KCNAB2: variants seen among roughly 807,000 people sequenced by gnomAD.
KCNAB2 encodes the protein potassium voltage-gated channel subfamily A regulatory beta subunit 2.
A neutral mutation model predicts 63.6 loss-of-function variants in KCNAB2; 29 were observed. The observed-to-expected ratio is 0.46, with a 90% CI of 0.34 to 0.62. The LOEUF (loss-of-function observed/expected upper bound fraction) is 0.62, where lower values mean the gene tolerates loss of function less well. Among genes scored for constraint, KCNAB2 ranks in the 20% least tolerant of loss-of-function variants. KCNAB2 has a pLI of 0.01. For missense variants in KCNAB2, 359 were observed against 563.9 expected (o/e 0.64, Z 3.68); for synonymous variants, 222 against 224.2 (o/e 0.99, Z 0.09).
chr1:6,072,606 C>G (rs1363842248), intron 2 of KCNAB2, 149 bp from the exon 3 acceptor site: 5 of 816,226 alleles, frequency 6.1e-6, no homozygotes, highest in Non-Finnish European at 1.0e-5. Context: ...GCAGAGGCAC[C>G]TCTCTGAAGG....
rs1384861719 is a variant in KCNAB2, at chr1:6,035,109, G to A, written c.-53+315G>A. Among the ~76,000 whole-genome samples the A allele has an allele frequency of 6.6e-6, 1 of 152,158 alleles. No individual in the cohort carries two copies. Among genetic ancestry groups the A allele is most frequent in the African/African-American group, 2.4e-5 (1 of 41,416 alleles). On this transcript the variant is annotated intron_variant, in intron 1 of 15. Transcript: ENST00000164247. The surrounding 1 kb of genome is among the most constrained non-coding windows in gnomAD (Gnocchi z 5.0). Reference sequence around the variant, plus strand: ...AGAGGCAAACGTGGGAGCATGCTCAGGCAGACCACGGTGGTCAGAAGTTGA... The same window carrying A: ...AGAGGCAAACGTGGGAGCATGCTCAAGCAGACCACGGTGGTCAGAAGTTGA...
chr1:6,073,194 T>A lies in KCNAB2; in HGVS notation c.262+396T>A, dbSNP rs1663365755. On this transcript the variant is annotated intron_variant, in intron 3 of 15. Transcript: ENST00000378083. This position sits in a 1 kb window ranked among gnomAD's most constrained non-coding sequence, Gnocchi z 5.7. ...CCATTGGATTTGGCCCTTTTTCCTCTCCTGTCAGATACAAGGCCTGTTTCC... is the reference window on the plus strand; with the variant it reads ...CCATTGGATTTGGCCCTTTTTCCTCACCTGTCAGATACAAGGCCTGTTTCC... Among the ~76,000 whole-genome samples the A allele has an allele frequency of 6.6e-6, 1 of 152,010 alleles. No homozygotes were observed. The highest frequency in any genetic ancestry group is 2.4e-5 in the African/African-American group (1 of 41,370).
chr1:6,080,141 G>A (rs1019946265), intron 4 of KCNAB2, among the ~76,000 whole-genome samples: 2 of 152,210 alleles, frequency 1.3e-5, no homozygotes, highest in East Asian at 1.9e-4. Flanking sequence ...GAGCGTGAGT[G>A]CCCTAACCAC....
chr1:6,009,381 G>A (rs1021472623), intron 1 of KCNAB2, among the ~76,000 whole-genome samples: 4 of 152,336 alleles, frequency 2.6e-5, no homozygotes, highest in East Asian at 1.9e-4. Flanking sequence ...GAGGGGGCCC[G>A]GTGGTGTCCG....
At chr1:5,999,973 A>C (rs1570812450) in intron 1 of KCNAB2, among the ~76,000 whole-genome samples, 1 of 144,872 alleles carries the variant, frequency 6.9e-6, no homozygotes, top group African/African-American at 2.6e-5. Context: ...CCCTGCCTGC[A>C]CCCCATCCAT....
At chr1:6,051,284 G>A (rs902813682) in intron 1 of KCNAB2, among the ~76,000 whole-genome samples, 7 of 152,254 alleles carry the variant, frequency 4.6e-5, no homozygotes, top group Admixed American at 4.6e-4. Flanking sequence ...GGACAGAAAA[G>A]GGCAGCTTAG....
rs1665467910 is a variant in KCNAB2, at chr1:6,094,617, G to A, written c.732+132G>A. 4.4e-5 allele frequency: 31 copies of A among 697,516 alleles called. 1 individual carries two copies. The South Asian group carries it at 5.4e-4, about 12-fold the overall frequency. 43.2% of individuals were successfully genotyped at this position (697,516 alleles called of 1,614,324 possible). A position where few individuals can be genotyped will look rare whatever the true frequency, so the allele number is the denominator to read the frequency against. On this transcript the variant is annotated intron_variant, in intron 11 of 15. Transcript: ENST00000378083. ...CACCGATGCCTGGGTGCTAAGGGAG[G>A]GACAGGATGGTGGAGTGTGGTGGTT...
intron 1 of KCNAB2, among the ~76,000 whole-genome samples, chr1:6,049,344 C>G (rs1419031972): frequency 6.6e-6 from 1 of 152,216 alleles, no homozygotes; most frequent in Non-Finnish European, 1.5e-5. Flanking sequence ...TCCCTGCCCT[C>G]CTGGACTCAA....
chr1:6,022,453 T>C (rs1054817285), intron 1 of KCNAB2, among the ~76,000 whole-genome samples: 4 of 152,020 alleles, frequency 2.6e-5, no homozygotes, highest in African/African-American at 9.7e-5. Context: ...TTCAGTGGCA[T>C]TGAGTGTACA....
chr1:6,030,167 T>G (rs1659485122), upstream of KCNAB2, among the ~76,000 whole-genome samples: 1 of 152,236 alleles, frequency 6.6e-6, no homozygotes, highest in Non-Finnish European at 1.5e-5. Context: ...AGCGCTAAGA[T>G]GAATTCTGTA....
chr1:6,065,100 G>A (rs1241318985), intron 2 of KCNAB2, among the ~76,000 whole-genome samples: 1 of 152,194 alleles, frequency 6.6e-6, no homozygotes, highest in East Asian at 1.9e-4. Context: ...ATCCCCCAGC[G>A]GATACCCCAC....
chr1:6,006,577 TCCCCC>T lies in KCNAB2; in HGVS notation c.-53+13791_-53+13795del, dbSNP rs775147453. On this transcript the variant is annotated intron_variant, in intron 1 of 16. Transcript: ENST00000341524. The stretch of plus-strand genomic sequence containing the variant: ...CCTACCCCTCAGCTCAGCTCCCACA[TCCCCC>T]CACTTCACCCTCACCCCTCAGCTCA... Among the ~76,000 whole-genome samples, 8 of 1,200 alleles carry T rather than the reference TCCCCC, an allele frequency of 6.7e-3. 3 individuals carry two copies. Among genetic ancestry groups the T allele is most frequent in the Non-Finnish European group, 7.2e-3 (3 of 418 alleles). 0.8% of individuals were successfully genotyped at this position (1,200 alleles called of 152,430 possible).
At chr1:5,995,313 T>TG (rs1656883549) in intron 1 of KCNAB2, among the ~76,000 whole-genome samples, 2 of 152,168 alleles carry the variant, frequency 1.3e-5, no homozygotes, top group Admixed American at 6.5e-5. Flanking sequence ...AAGGACAGGC[T>TG]TCTCCAGGGT....
rs1659035656 is a variant in KCNAB2, at chr1:6,024,712, G to A, written c.-52-15805G>A. On this transcript the variant is annotated intron_variant, in intron 1 of 16. Transcript: ENST00000341524. This position sits in a 1 kb window ranked among gnomAD's most constrained non-coding sequence, Gnocchi z 5.4. ...TCAGGGCAACATCTCCGTGCTGGGG[G>A]CCAAGAGGATAACGGCTGTTCTCTG... 6.6e-6 allele frequency among the ~76,000 whole-genome samples: 1 copy of A among 152,186 alleles called. No homozygotes were observed. The highest frequency in any genetic ancestry group is 2.1e-4 in the South Asian group (1 of 4,830).
chr1:6,097,270 C>T lies in KCNAB2; in HGVS notation c.1071C>T (p.Ala357=). The T allele has an allele frequency of 6.5e-7, 1 of 1,544,838 alleles. No homozygotes were observed. The highest frequency in any genetic ancestry group is 8.8e-7 in the Non-Finnish European group (1 of 1,142,582). The change falls in exon 15 of 16, where the codon GCC becomes GCT. Residue 357 remains alanine, a splice_region_variant and synonymous_variant. Coordinates refer to ENST00000378083, the MANE Select transcript of KCNAB2 (RefSeq NM_001199862.2). ...LGCTLPQLAI[A]WCLRNEGVSS... is the part of the protein sequence containing the mutation. ...TCACCTTGGGTCTCGCCGCCACAGC[C>T]TGGTGCCTGAGGAATGAGGGAGTCA...
chr1:6,044,860 A>G (rs2100489015), upstream of KCNAB2, among the ~76,000 whole-genome samples: 1 of 152,324 alleles, frequency 6.6e-6, no homozygotes, highest in African/African-American at 2.4e-5. Flanking sequence ...CCACGTCCAC[A>G]GGGCTTGGCC....
chr1:6,076,601 CT>C (rs1663684324), intron 4 of KCNAB2, among the ~76,000 whole-genome samples: 1 of 152,232 alleles, frequency 6.6e-6, no homozygotes. Context: ...GAGCCTCTGG[CT>C]ATAAACAGGT....
chr1:6,040,637 G>T, exon 2 of KCNAB2: 1 of 1,612,864 alleles, frequency 6.2e-7, no homozygotes, highest in Non-Finnish European at 8.5e-7. Flanking sequence ...CCCCCGGGAT[G>T]ATCTACAGGT....
Position 6,098,590 on chromosome 1 carries a change from C to T in KCNAB2, c.*16C>T. Reference sequence around the variant, plus strand: ...CAGATCCTAAGCCGCCCCCGCCCGCCTGCTCGGACAGTTTCCGTTCCCTCC... The same window carrying T: ...CAGATCCTAAGCCGCCCCCGCCCGCTTGCTCGGACAGTTTCCGTTCCCTCC... On this transcript the variant is annotated 3_prime_UTR_variant, in exon 16 of 16. Coordinates refer to ENST00000378083, the MANE Select transcript of KCNAB2 (RefSeq NM_001199862.2). 1 of 1,612,628 alleles carries T rather than the reference C, an allele frequency of 6.2e-7. No individual in the cohort carries two copies. Among genetic ancestry groups the T allele is most frequent in the Non-Finnish European group, 8.5e-7 (1 of 1,179,314 alleles).
Sources: allele counts gnomAD v4.1 joint callset (sites outside exome capture counted in the v4.1 genomes callset), GRCh38; gene constraint gnomAD v4.1.1; non-coding constraint Gnocchi (gnomAD v3.1); transcripts MANE v1.5; gene names NCBI Gene and HGNC (gene_info 2026-07-23, HGNC 2026-07-21).